Variants in GRID2 observed in about 807,000 individuals in gnomAD.
GRID2 encodes glutamate ionotropic receptor delta type subunit 2, also known as glutamate receptor ionotropic, delta-2.
A neutral mutation model predicts 114.8 loss-of-function variants in GRID2; 33 were observed. That is an observed-to-expected ratio of 0.29 (90% CI 0.22 to 0.38). The LOEUF (loss-of-function observed/expected upper bound fraction) is 0.38, where lower values mean the gene tolerates loss of function less well. GRID2 is among the 10% of genes least tolerant of loss of function. GRID2 has a pLI of 1.00. For missense variants in GRID2, 1,184 were observed against 1,257.7 expected (o/e 0.94, Z 0.89); for synonymous variants, 505 against 449.9 (o/e 1.12, Z -1.55).
chr4:92,875,267 A>G (rs1745549446), intron 2 of GRID2, among the ~76,000 whole-genome samples: 1 of 143,332 alleles, frequency 7.0e-6, no homozygotes, highest in Admixed American at 7.6e-5. Flanking sequence ...GGTACACGCG[A>G]TTCTCCTTGC....
chr4:93,783,211 G>A (rs1734514583), intron 1 of GRID2, among the ~76,000 whole-genome samples: 1 of 152,212 alleles, frequency 6.6e-6, no homozygotes, highest in African/African-American at 2.4e-5. Context: ...GCACTATGTA[G>A]GTGTTTCACC....
chr4:92,864,552 C>A (rs1036079938), intron 2 of GRID2, among the ~76,000 whole-genome samples: 2 of 152,184 alleles, frequency 1.3e-5, no homozygotes, highest in African/African-American at 4.8e-5. Context: ...TTTGCAGTCA[C>A]AAGCAAAAGC....
chr4:92,514,234 A>T (rs1265427286), intron 1 of GRID2, among the ~76,000 whole-genome samples: 2 of 152,024 alleles, frequency 1.3e-5, no homozygotes, highest in East Asian at 3.9e-4. Flanking sequence ...TGTCATGTTC[A>T]ACCCTTATGT....
At chr4:93,134,490 T>G (rs568277493) in intron 4 of GRID2, among the ~76,000 whole-genome samples, 13 of 152,130 alleles carry the variant, frequency 8.5e-5, no homozygotes, top group Non-Finnish European at 1.8e-4. Context: ...AGGTAATAAC[T>G]ATCACAACAT....
rs376944356 is a variant in GRID2, at chr4:93,426,085, A to G, written c.1545+3117A>G. Among the ~76,000 whole-genome samples, 6 of 152,192 alleles carry G rather than the reference A, an allele frequency of 3.9e-5. No homozygotes were observed. The East Asian group carries it at 7.7e-4, about 20-fold the overall frequency. On this transcript the variant is annotated intron_variant, in intron 10 of 15. Coordinates refer to ENST00000282020, the MANE Select transcript of GRID2 (RefSeq NM_001510.4). Reference sequence around the variant, plus strand: ...AACCTAAATTGTTTGTAAGGAATGGAGAAGAGTAGAAATAAAAGGTTTCTT... The same window carrying G: ...AACCTAAATTGTTTGTAAGGAATGGGGAAGAGTAGAAATAAAAGGTTTCTT...
chr4:92,554,139 T>C (rs1260105521), intron 1 of GRID2, among the ~76,000 whole-genome samples: 1 of 152,172 alleles, frequency 6.6e-6, no homozygotes, highest in Admixed American at 6.6e-5. Flanking sequence ...ACAGAAGGGC[T>C]GTTGTTCCTA....
chr4:93,505,600 A>G (rs1180505234), intron 12 of GRID2, among the ~76,000 whole-genome samples: 1 of 148,724 alleles, frequency 6.7e-6, no homozygotes, highest in Non-Finnish European at 1.5e-5. Flanking sequence ...ATATATTATA[A>G]TATATATTTT....
intron 2 of GRID2, among the ~76,000 whole-genome samples, chr4:92,642,295 TCATCAA>T (rs1277800439): frequency 1.5e-4 from 23 of 151,788 alleles, no homozygotes; most frequent in African/African-American, 5.6e-4. Flanking sequence ...CTCCACACCC[TCATCAA>T]CATCTGTTAT....
At position 92,749,310 on chromosome 4, in the gene GRID2, C is replaced by CTATTTTTTTTT. The variant is rs1295067924; in HGVS notation, c.244+159025_244+159026insATTTTTTTTTT. On this transcript the variant is annotated intron_variant, in intron 2 of 15. Coordinates refer to ENST00000282020, the MANE Select transcript of GRID2 (RefSeq NM_001510.4). ...CGCCGCGCCCGGCCTTGATTTGTAG[C>CTATTTTTTTTT]TTTTTTTTTTTTTTTTTTTTTTGAG... Among the ~76,000 whole-genome samples, 17 of 72,030 alleles carry CTATTTTTTTTT rather than the reference C, an allele frequency of 2.4e-4. No individual in the cohort carries two copies. The East Asian group carries it at 2.4e-3, about 10-fold the overall frequency. The allele number at this position is 72,030 out of a possible 152,430, so 47.3% of individuals were successfully genotyped here.
intron 8 of GRID2, among the ~76,000 whole-genome samples, chr4:93,379,822 T>G (rs1040178276): frequency 1.3e-5 from 2 of 152,044 alleles, no homozygotes; most frequent in African/African-American, 4.8e-5. Context: ...AACAGTTTGG[T>G]AAGTACTTTC....
At chr4:93,152,877 CT>C (rs1736858515) in intron 4 of GRID2, among the ~76,000 whole-genome samples, 1 of 151,996 alleles carries the variant, frequency 6.6e-6, no homozygotes, top group African/African-American at 2.4e-5. Flanking sequence ...TAAAAAAATC[CT>C]GATGAAGATA....
chr4:93,705,110 A>C (rs1296689624), intron 14 of GRID2, among the ~76,000 whole-genome samples: 1 of 152,128 alleles, frequency 6.6e-6, no homozygotes, highest in African/African-American at 2.4e-5. Flanking sequence ...CCTTACCAGC[A>C]TTGGTTATAG....
At chr4:93,671,995 T>TA (rs1044989025) in intron 14 of GRID2, among the ~76,000 whole-genome samples, 4 of 150,402 alleles carry the variant, frequency 2.7e-5, no homozygotes, top group Non-Finnish European at 4.4e-5. Flanking sequence ...AATGATAAAA[T>TA]AAAAAAATAT....
chr4:93,024,751 ATTCC>A (rs1465435172), intron 2 of GRID2, among the ~76,000 whole-genome samples: 3 of 151,916 alleles, frequency 2.0e-5, no homozygotes, highest in African/African-American at 7.2e-5. Flanking sequence ...GGTAGTATTA[ATTCC>A]TTCTTTCTGT....
At chr4:93,738,087 G>T (rs925813368) in intron 14 of GRID2, among the ~76,000 whole-genome samples, 2 of 152,084 alleles carry the variant, frequency 1.3e-5, no homozygotes, top group Non-Finnish European at 2.9e-5. Flanking sequence ...AGACCTGAAG[G>T]ATTAATAAAT....
intron 12 of GRID2, among the ~76,000 whole-genome samples, chr4:93,507,827 G>A (rs1012934234): frequency 6.6e-6 from 1 of 152,072 alleles, no homozygotes; most frequent in Non-Finnish European, 1.5e-5. Flanking sequence ...TATTTGCCTT[G>A]CCTCTGAATT....
intron 2 of GRID2, among the ~76,000 whole-genome samples, chr4:92,594,403 T>C (rs1173320266): frequency 6.6e-6 from 1 of 151,940 alleles, no homozygotes; most frequent in Non-Finnish European, 1.5e-5. Flanking sequence ...AATGAAGGAA[T>C]CTGAATATAA....
intron 2 of GRID2, among the ~76,000 whole-genome samples, chr4:92,875,289 G>C (rs1745550668): frequency 6.7e-6 from 1 of 150,072 alleles, no homozygotes. Context: ...TCAGCCTCCT[G>C]AGTAGTTGGT....
intron 2 of GRID2, among the ~76,000 whole-genome samples, chr4:92,813,029 CT>C (rs2149380367): frequency 6.6e-6 from 1 of 152,178 alleles, no homozygotes; most frequent in Non-Finnish European, 1.5e-5. Context: ...TTACTTGTGG[CT>C]TTTTAAGATA....
Sources: allele counts gnomAD v4.1 joint callset (sites outside exome capture counted in the v4.1 genomes callset), GRCh38; gene constraint gnomAD v4.1.1; transcripts MANE v1.5; gene names NCBI Gene and HGNC (gene_info 2026-07-23, HGNC 2026-07-21).